The following SUPT3H variants were observed in gnomAD, a reference collection of about 807,000 sequenced individuals.
The protein encoded by SUPT3H is SPT3 homolog, SAGA and STAGA complex component.
Under a neutral mutation model 44.3 loss-of-function variants are expected in SUPT3H, and 44 were observed. The ratio of observed to expected loss-of-function variants is 0.99; its 90% confidence interval spans 0.78 to 1.28. SUPT3H has a LOEUF of 1.28. Among genes scored for constraint, SUPT3H ranks in the 50% most tolerant of loss-of-function variants. SUPT3H has a pLI of 0.00. For synonymous variants in SUPT3H, 124 were observed against 125.6 expected (o/e 0.99, Z 0.09); for missense variants, 380 against 387.1 (o/e 0.98, Z 0.15).
rs73735353 is a variant in SUPT3H at position 45,304,584 on chromosome 6, T to C, written c.101+60617A>G. Among the ~76,000 whole-genome samples the C allele has an allele frequency of 7.2e-3, 1,096 of 152,286 alleles. 19 individuals carry two copies. Among genetic ancestry groups the C allele is most frequent in the African/African-American group, 0.025 (1,044 of 41,558 alleles). On this transcript the variant is annotated intron_variant, in intron 2 of 10. Transcript: ENST00000371459. ...GCTATACAAACAGACCTCAGAAAGT[T>C]TCTGTTAAATTTTTTTTCCTAAAAA... is the stretch of plus-strand genomic sequence containing the variant.
rs1777017259 is a variant in SUPT3H, at chr6:45,276,357, T to C, written c.101+88844A>G. On this transcript the variant is annotated intron_variant, in intron 2 of 10. Coordinates refer to ENST00000371459, the MANE Select transcript of SUPT3H (RefSeq NM_003599.4). ...AATATGAAAATAGAAACCTCTCCTA[T>C]AAAAACTTATACAATATAATCAAAT... Among the ~76,000 whole-genome samples the C allele has an allele frequency of 2.0e-5, 3 of 152,090 alleles. No homozygotes were observed. The South Asian group carries it at 6.2e-4, about 32-fold the overall frequency.
chr6:44,937,498 A>T (rs1373938350), intron 9 of SUPT3H, among the ~76,000 whole-genome samples: 1 of 152,080 alleles, frequency 6.6e-6, no homozygotes, highest in Non-Finnish European at 1.5e-5. Flanking sequence ...TGTCTCAAAA[A>T]AAAAAACCGT....
intron 2 of SUPT3H, among the ~76,000 whole-genome samples, chr6:45,303,123 A>G (rs574713442): frequency 6.6e-6 from 1 of 152,326 alleles, no homozygotes; most frequent in African/African-American, 2.4e-5. Flanking sequence ...TCAACTCAAG[A>G]TGGATCAAGG....
intron 1 of SUPT3H, among the ~76,000 whole-genome samples, chr6:45,365,659 C>A (rs967777001): frequency 1.4e-5 from 2 of 147,328 alleles, no homozygotes; most frequent in Admixed American, 1.4e-4. Flanking sequence ...TGCTTCAGGG[C>A]ATTCTAGATG....
chr6:44,993,478 G>T (rs1156258467), intron 6 of SUPT3H, among the ~76,000 whole-genome samples: 1 of 151,776 alleles, frequency 6.6e-6, no homozygotes, highest in Non-Finnish European at 1.5e-5. Flanking sequence ...TTTTAGACAA[G>T]CACTTATGAC....
intron 2 of SUPT3H, among the ~76,000 whole-genome samples, chr6:45,119,231 T>C (rs1171163171): frequency 6.6e-6 from 1 of 152,188 alleles, no homozygotes; most frequent in Non-Finnish European, 1.5e-5. Context: ...TATAGTTACA[T>C]AGTTGTATAG....
At chr6:44,845,877 C>T (rs542847783) in intron 10 of SUPT3H, among the ~76,000 whole-genome samples, 62 of 152,302 alleles carry the variant, frequency 4.1e-4, no homozygotes, top group African/African-American at 1.3e-3. Context: ...CTGATTTTTC[C>T]GGTACACCAA....
chr6:44,986,497 A>T (rs1214063770), intron 6 of SUPT3H, among the ~76,000 whole-genome samples: 1 of 152,164 alleles, frequency 6.6e-6, no homozygotes, highest in African/African-American at 2.4e-5. Context: ...CACTTGGTAG[A>T]GGGAAATGTC....
rs146151172 is a variant in SUPT3H, at chr6:45,363,566, T to G, written c.101+1635A>C. On this transcript the variant is annotated intron_variant, in intron 2 of 10. Coordinates refer to ENST00000371459, the MANE Select transcript of SUPT3H (RefSeq NM_003599.4). ...AACCAGCTCTACAGAAAATGAATTT[T>G]TTCACCTTATTCTAAACCTTTTAAA... Among the ~76,000 whole-genome samples, 15 of 152,224 alleles carry G rather than the reference T, an allele frequency of 9.9e-5. No individual in the cohort carries two copies. The East Asian group carries it at 2.9e-3, about 29-fold the overall frequency.
rs1491206167 is a variant in SUPT3H, at chr6:44,928,882, C to CAAAATAAAA, written c.912+3770_912+3771insTTTTATTTT. 2.0e-3 allele frequency among the ~76,000 whole-genome samples: 41 copies of CAAAATAAAA among 20,638 alleles called. 2 individuals carry two copies. The highest frequency in any genetic ancestry group is 3.2e-3 in the Admixed American group (5 of 1,586). The allele number at this position is 20,638 out of a possible 152,430, so 13.5% of individuals were successfully genotyped here. A position where few individuals can be genotyped will look rare whatever the true frequency, so the allele number is the denominator to read the frequency against. The stretch of plus-strand genomic sequence containing the variant: ...TGGGCGACAGAACGAGACTCCGTCT[C>CAAAATAAAA]AAAAAAAAAAAAAAAAAAAAAAGAA... On this transcript the variant is annotated intron_variant, in intron 10 of 10. Coordinates refer to ENST00000371459, the MANE Select transcript of SUPT3H (RefSeq NM_003599.4).
intron 10 of SUPT3H, among the ~76,000 whole-genome samples, chr6:44,932,062 TA>T (rs1176515660): frequency 1.3e-5 from 2 of 152,088 alleles, no homozygotes; most frequent in African/African-American, 4.8e-5. Context: ...TAAAGGGCCA[TA>T]AGATGAGCAT....
At chr6:44,935,457 A>G (rs1771247506) in intron 9 of SUPT3H, among the ~76,000 whole-genome samples, 1 of 152,170 alleles carries the variant, frequency 6.6e-6, no homozygotes, top group Non-Finnish European at 1.5e-5. Context: ...AAATTTTATG[A>G]TATTCTTTAA....
intron 2 of SUPT3H, among the ~76,000 whole-genome samples, chr6:45,355,181 T>TA (rs1792915032): frequency 6.7e-6 from 1 of 149,450 alleles, no homozygotes; most frequent in Admixed American, 6.7e-5. Flanking sequence ...AGACTGGTCT[T>TA]AAACTCCTGG....
intron 3 of SUPT3H, among the ~76,000 whole-genome samples, chr6:45,069,861 G>C (rs1311515582): frequency 8.1e-6 from 1 of 123,100 alleles, no homozygotes; most frequent in Non-Finnish European, 1.8e-5. Context: ...ATGACACAAA[G>C]GAAAAAAAAA....
intron 10 of SUPT3H, among the ~76,000 whole-genome samples, chr6:44,906,604 T>C (rs1156539583): frequency 6.6e-6 from 1 of 151,982 alleles, no homozygotes; most frequent in Non-Finnish European, 1.5e-5. Context: ...CTAATAAAAA[T>C]ACAAAAAATT....
intron 9 of SUPT3H, among the ~76,000 whole-genome samples, chr6:44,945,161 G>A (rs1004747268): frequency 3.9e-5 from 6 of 151,960 alleles, no homozygotes; most frequent in East Asian, 1.9e-4. Flanking sequence ...GGGGCGCCAC[G>A]AACTGTATTC....
At chr6:44,904,999 C>A (rs1342539199) in intron 10 of SUPT3H, among the ~76,000 whole-genome samples, 1 of 152,150 alleles carries the variant, frequency 6.6e-6, no homozygotes, top group African/African-American at 2.4e-5. Context: ...CCCTTCCTTA[C>A]ACCTTATACA....
intron 2 of SUPT3H, among the ~76,000 whole-genome samples, chr6:45,259,308 A>T (rs1026533234): frequency 6.6e-6 from 1 of 152,106 alleles, no homozygotes; most frequent in South Asian, 2.1e-4. Context: ...GCCTTTAGAT[A>T]GAGGTTTATC....
At chr6:45,221,642 T>C (rs1158146612) in intron 2 of SUPT3H, among the ~76,000 whole-genome samples, 2 of 152,260 alleles carry the variant, frequency 1.3e-5, no homozygotes, top group East Asian at 3.9e-4. Flanking sequence ...ATACTGAAGA[T>C]ATTAATTTTC....
Sources: allele counts gnomAD v4.1 joint callset (sites outside exome capture counted in the v4.1 genomes callset), GRCh38; gene constraint gnomAD v4.1.1; transcripts MANE v1.5; gene names NCBI Gene and HGNC (gene_info 2026-07-23, HGNC 2026-07-21).